Variants in CTNND2 observed in about 807,000 individuals in gnomAD.
CTNND2 encodes the protein catenin delta 2, also known as catenin delta-2.
CTNND2 carries 22 observed loss-of-function variants against 144.4 expected under a neutral mutation model. The ratio of observed to expected loss-of-function variants is 0.15; its 90% confidence interval spans 0.11 to 0.22. CTNND2 has a LOEUF of 0.22. CTNND2 is among the 10% of genes least tolerant of loss of function. The probability of loss-of-function intolerance (pLI) is 1.00; values close to 1 mark genes in which losing one functional copy is unlikely to be tolerated. For missense variants in CTNND2, 1,353 were observed against 1,618.8 expected (o/e 0.84, Z 2.82); for synonymous variants, 751 against 695.6 (o/e 1.08, Z -1.25).
intron 9 of CTNND2, among the ~76,000 whole-genome samples, chr5:11,309,646 A>C (rs914860734): frequency 2.0e-5 from 3 of 152,150 alleles, no homozygotes; most frequent in Non-Finnish European, 2.9e-5. Context: ...TACTGAAATG[A>C]GTTAAGACTT....
At chr5:11,187,457 G>A (rs542598583) in intron 11 of CTNND2, among the ~76,000 whole-genome samples, 1 of 152,246 alleles carries the variant, frequency 6.6e-6, no homozygotes, top group South Asian at 2.1e-4. Context: ...ATTAACTCAG[G>A]ATGGATTAAA....
chr5:11,379,776 C>T (rs1009884714), intron 7 of CTNND2, among the ~76,000 whole-genome samples: 1 of 152,118 alleles, frequency 6.6e-6, no homozygotes, highest in Admixed American at 6.5e-5. Flanking sequence ...TTCCAGCCTC[C>T]ACACACTGCC....
intron 1 of CTNND2, among the ~76,000 whole-genome samples, chr5:11,830,123 GA>G (rs1451542627): frequency 6.6e-6 from 1 of 152,180 alleles, no homozygotes; most frequent in Non-Finnish European, 1.5e-5. Flanking sequence ...TTGTATCTAG[GA>G]AGTAACTAAC....
At chr5:11,550,403 T>C (rs1435434283) in intron 3 of CTNND2, among the ~76,000 whole-genome samples, 1 of 152,208 alleles carries the variant, frequency 6.6e-6, no homozygotes, top group Non-Finnish European at 1.5e-5. Flanking sequence ...ATGAGACATG[T>C]CAAAATGACG....
At chr5:11,793,154 G>A (rs184977367) in intron 1 of CTNND2, among the ~76,000 whole-genome samples, 1 of 152,180 alleles carries the variant, frequency 6.6e-6, no homozygotes. Context: ...TTGGTTTATG[G>A]GGCTCCCGAC....
At chr5:11,891,892 A>G (rs1450738138) in intron 1 of CTNND2, among the ~76,000 whole-genome samples, 1 of 152,224 alleles carries the variant, frequency 6.6e-6, no homozygotes, top group Non-Finnish European at 1.5e-5. Flanking sequence ...ATGACAGGGA[A>G]TATAGTATGT....
intron 16 of CTNND2, among the ~76,000 whole-genome samples, chr5:11,059,802 A>G (rs1168832339): frequency 6.6e-6 from 1 of 152,224 alleles, no homozygotes; most frequent in Non-Finnish European, 1.5e-5. Context: ...AATTGAATGA[A>G]AAAAAGTATT....
intron 2 of CTNND2, among the ~76,000 whole-genome samples, chr5:11,686,270 G>T (rs1784641147): frequency 6.6e-6 from 1 of 151,956 alleles, no homozygotes; most frequent in Non-Finnish European, 1.5e-5. Flanking sequence ...ACTGCACTTT[G>T]GAAAATTCTA....
intron 2 of CTNND2, among the ~76,000 whole-genome samples, chr5:11,609,344 G>A (rs1270942943): frequency 1.3e-5 from 2 of 151,740 alleles, no homozygotes; most frequent in East Asian, 1.9e-4. Flanking sequence ...TTTTCTTTTT[G>A]ATGAATTATG....
intron 9 of CTNND2, among the ~76,000 whole-genome samples, chr5:11,259,333 G>C (rs1412104247): frequency 6.6e-6 from 1 of 152,008 alleles, no homozygotes; most frequent in East Asian, 1.9e-4. Context: ...TTAGATCCCA[G>C]CCACCACGCC....
chr5:11,728,366 G>A (rs576205091), intron 2 of CTNND2, among the ~76,000 whole-genome samples: 1 of 152,098 alleles, frequency 6.6e-6, no homozygotes, highest in Non-Finnish European at 1.5e-5. Context: ...CTATTCAGGA[G>A]GCTGGGGCAG....
intron 1 of CTNND2, among the ~76,000 whole-genome samples, chr5:11,778,980 C>G (rs1393703605): frequency 6.6e-6 from 1 of 152,160 alleles, no homozygotes; most frequent in African/African-American, 2.4e-5. Flanking sequence ...GAAACACTGG[C>G]AAATATTGAC....
intron 10 of CTNND2, among the ~76,000 whole-genome samples, chr5:11,208,430 A>G (rs1445565559): frequency 6.6e-6 from 1 of 152,216 alleles, no homozygotes; most frequent in East Asian, 1.9e-4. Flanking sequence ...AACATATTCT[A>G]AAGCACCAAT....
At chr5:11,405,143 T>C (rs1760988535) in intron 5 of CTNND2, among the ~76,000 whole-genome samples, 1 of 152,198 alleles carries the variant, frequency 6.6e-6, no homozygotes, top group South Asian at 2.1e-4. Context: ...GAATCTACAA[T>C]GCCTTGACAA....
chr5:11,896,672 G>C (rs925960534), intron 1 of CTNND2, among the ~76,000 whole-genome samples: 6 of 152,026 alleles, frequency 3.9e-5, no homozygotes, highest in Admixed American at 3.9e-4. Flanking sequence ...TAGTGGAAAA[G>C]TAATATATAA....
chr5:11,377,574 T>G (rs1367249907), intron 7 of CTNND2, among the ~76,000 whole-genome samples: 1 of 152,104 alleles, frequency 6.6e-6, no homozygotes, highest in Non-Finnish European at 1.5e-5. Flanking sequence ...TTCACAGAAT[T>G]CTATATAAAG....
intron 1 of CTNND2, among the ~76,000 whole-genome samples, chr5:11,757,671 T>C (rs1789027569): frequency 6.6e-6 from 1 of 152,002 alleles, no homozygotes; most frequent in African/African-American, 2.4e-5. Flanking sequence ...ATGTAATGTA[T>C]AATTGTTTTC....
chr5:11,008,370 G>T (rs1384725796), intron 18 of CTNND2, among the ~76,000 whole-genome samples: 2 of 152,130 alleles, frequency 1.3e-5, no homozygotes, highest in African/African-American at 4.8e-5. Flanking sequence ...GATTTGGGGG[G>T]TCACAGAGCA....
chr5:11,113,372 G>A (rs1173748672), intron 13 of CTNND2, among the ~76,000 whole-genome samples: 1 of 152,136 alleles, frequency 6.6e-6, no homozygotes, highest in Non-Finnish European at 1.5e-5. Context: ...TTTCCTGGAG[G>A]ACACCCAGGC....
Sources: gnomAD v4.1 joint callset for allele counts (sites outside exome capture counted in the v4.1 genomes callset) on GRCh38, gnomAD v4.1.1 for gene constraint, MANE v1.5 for transcripts, NCBI Gene and HGNC (gene_info 2026-07-23, HGNC 2026-07-21) for gene names.